COQ10B: variants seen among roughly 807,000 people sequenced by gnomAD.
The protein encoded by COQ10B is coenzyme Q-binding protein COQ10 homolog B, mitochondrial.
COQ10B carries 12 observed loss-of-function variants against 27.6 expected under a neutral mutation model. The observed-to-expected ratio is 0.43, with a 90% CI of 0.28 to 0.70. COQ10B has a LOEUF of 0.70. COQ10B is among the 30% of genes least tolerant of loss of function. COQ10B has a pLI of 0.17. For missense variants in COQ10B, 278 were observed against 288.7 expected (o/e 0.96, Z 0.27); for synonymous variants, 115 against 103.0 (o/e 1.12, Z -0.71).
At chr2:197,460,354 A>C (rs777401290) in intron 2 of COQ10B, among the ~76,000 whole-genome samples, 2 of 151,658 alleles carry the variant, frequency 1.3e-5, no homozygotes, top group Non-Finnish European at 2.9e-5. Context: ...CACCATGCCT[A>C]GCTAATTTTT....
intron 3 of COQ10B, among the ~76,000 whole-genome samples, chr2:197,467,481 G>T (rs928501909): frequency 6.6e-6 from 1 of 152,032 alleles, no homozygotes; most frequent in Non-Finnish European, 1.5e-5. Context: ...AGGTTCAAGC[G>T]ATTCTCCTGC....
In COQ10B at chr2:197,474,798, A is replaced by G. The variant is rs2085932449; in HGVS notation, c.*874A>G. ...TTGCCATAATGAGGCTAGCTCCCAG[A>G]TAAACAGTGTATTTTCTTCTTTTTT... On this transcript the variant is annotated 3_prime_UTR_variant, in exon 5 of 5. Coordinates refer to ENST00000263960, the MANE Select transcript of COQ10B (RefSeq NM_025147.5). 1 of 151,630 alleles carries G rather than the reference A, an allele frequency of 6.6e-6. No homozygotes were observed. The highest frequency in any genetic ancestry group is 2.4e-5 in the African/African-American group (1 of 41,170). 9.4% of individuals were successfully genotyped at this position (151,630 alleles called of 1,614,324 possible).
chr2:197,453,582 A>G lies in COQ10B; in HGVS notation c.22A>G (p.Thr8Ala), dbSNP rs1315402492. 4.1e-5 allele frequency: 66 copies of G among 1,613,808 alleles called. No individual in the cohort carries two copies. Among genetic ancestry groups the G allele is most frequent in the Non-Finnish European group, 5.5e-5 (65 of 1,179,912 alleles). Reference protein sequence around the residue: MAARTGHTALRRVVSGCR... With the variant: MAARTGHAALRRVVSGCR... ...TATCATGGCAGCTCGGACTGGTCAT[A>G]CGGCCTTGAGAAGGGTAGTCTCGGG... The change falls in exon 1 of 5, where the codon ACG becomes GCG. Residue 8 changes from threonine (T) to alanine (A), a missense_variant. By Grantham distance (58) the Thr-to-Ala change is moderately conservative. Around this residue, in one of 3 missense-constraint regions of COQ10B, gnomAD observed 183 missense variants for 158.2 expected, o/e 1.16. Coordinates refer to ENST00000263960, the MANE Select transcript of COQ10B (RefSeq NM_025147.5).
chr2:197,454,351 G>C, intron 1 of COQ10B: 1 of 406,036 alleles, frequency 2.5e-6, no homozygotes, highest in Non-Finnish European at 4.4e-6. Flanking sequence ...TAATATTCTT[G>C]AAAATTAAAG....
At chr2:197,465,429 A>G (rs1051272699) in intron 3 of COQ10B, among the ~76,000 whole-genome samples, 7 of 152,024 alleles carry the variant, frequency 4.6e-5, no homozygotes, top group East Asian at 1.9e-4. Context: ...AGCTGGGATT[A>G]TAGCCATGTG....
intron 1 of COQ10B, chr2:197,454,058 C>A (rs774805961): frequency 6.4e-7 from 1 of 1,551,232 alleles, no homozygotes; most frequent in South Asian, 1.2e-5. Context: ...CGGTGAGCCC[C>A]CTTCTCCGGT....
chr2:197,465,788 A>C (rs2085818791), intron 3 of COQ10B, among the ~76,000 whole-genome samples: 1 of 152,078 alleles, frequency 6.6e-6, no homozygotes, highest in Non-Finnish European at 1.5e-5. Flanking sequence ...CTCCATCTCT[A>C]AAAAACAAAC....
In COQ10B at chr2:197,460,100, T is replaced by A. The variant is rs1219429581; in HGVS notation, c.254+19T>A. ...TTTTAGGGTTCGTATATGATAAGAA[T>A]TCTACTAAAAGAGCATGTTCACAAT... On this transcript the variant is annotated intron_variant, in intron 2 of 4. Transcript: ENST00000263960. 2.6e-6 allele frequency: 4 copies of A among 1,565,544 alleles called. No individual in the cohort carries two copies. In the South Asian group the frequency reaches 4.6e-5, roughly 18 times the overall value.
At chr2:197,468,178 C>T (rs1421196636) in intron 3 of COQ10B, among the ~76,000 whole-genome samples, 1 of 152,006 alleles carries the variant, frequency 6.6e-6, no homozygotes, top group South Asian at 2.1e-4. Flanking sequence ...TGGTGGCTCA[C>T]ACCTGTAATC....
At chr2:197,455,055 T>C (rs2085681617) in intron 1 of COQ10B, among the ~76,000 whole-genome samples, 1 of 152,080 alleles carries the variant, frequency 6.6e-6, no homozygotes, top group Admixed American at 6.6e-5. Context: ...GATCAGAAAA[T>C]GTCCTGTTAG....
intron 4 of COQ10B, 110 bp downstream of exon 4, chr2:197,470,281 A>C (rs1422468610): frequency 8.2e-6 from 5 of 607,270 alleles, no homozygotes; most frequent in Middle Eastern, 3.3e-4. Context: ...CTTTTTCTGC[A>C]TAAATGCTAA....
In COQ10B at chr2:197,474,069, T is replaced by G. The variant is rs1349379524; in HGVS notation, c.*145T>G. 4.2e-6 allele frequency: 2 copies of G among 472,860 alleles called. No homozygotes were observed. The highest frequency in any genetic ancestry group is 7.2e-6 in the Non-Finnish European group (2 of 277,980). The allele number at this position is 472,860 out of a possible 1,614,324, so 29.3% of individuals were successfully genotyped here. ...ACCTGCACCATTGAAAATTTGCACATAGAATATAGACTCACTTGTACATAG... is the reference window on the plus strand; with the variant it reads ...ACCTGCACCATTGAAAATTTGCACAGAGAATATAGACTCACTTGTACATAG... On this transcript the variant is annotated 3_prime_UTR_variant, in exon 5 of 5. Transcript: ENST00000263960.
intron 1 of COQ10B, among the ~76,000 whole-genome samples, chr2:197,457,544 G>T (rs1323659497): frequency 6.6e-6 from 1 of 151,888 alleles, no homozygotes; most frequent in African/African-American, 2.4e-5. Flanking sequence ...GTTATTTATA[G>T]CTGAATATAT....
At chr2:197,454,073 T>C (rs1462071740) in intron 1 of COQ10B, 3 of 1,551,238 alleles carry the variant, frequency 1.9e-6, no homozygotes. Context: ...TCCGGTTCCT[T>C]CTACCTGCCA....
chr2:197,473,269 C>G (rs912838730), intron 4 of COQ10B, among the ~76,000 whole-genome samples: 10 of 151,076 alleles, frequency 6.6e-5, no homozygotes, highest in Admixed American at 2.6e-4. Context: ...AAAAATCTTT[C>G]TGGCTGGGCA....
chr2:197,455,997 G>A (rs2085694382), intron 1 of COQ10B, among the ~76,000 whole-genome samples: 1 of 152,028 alleles, frequency 6.6e-6, no homozygotes, highest in South Asian at 2.1e-4. Flanking sequence ...AATGGATAAA[G>A]AAAATGTGGT....
Position 197,461,627 on chromosome 2 carries a change from CAGAGAGAGAGAG to C in COQ10B, c.255-885_255-874del, listed in dbSNP as rs66918493. On this transcript the variant is annotated intron_variant, in intron 2 of 4. Coordinates refer to ENST00000263960, the MANE Select transcript of COQ10B (RefSeq NM_025147.5). Reference sequence around the variant, plus strand: ...GGAGAGGGAGAGGTGTACAGGGTCTCAGAGAGAGAGAGAGAGAGAGAGAGAGAGAGAGAGAGA... The same window carrying C: ...GGAGAGGGAGAGGTGTACAGGGTCTCAGAGAGAGAGAGAGAGAGAGAGAGA... Among the ~76,000 whole-genome samples, 169 of 129,454 alleles carry C rather than the reference CAGAGAGAGAGAG, an allele frequency of 1.3e-3. 1 individual carries two copies. The highest frequency in any genetic ancestry group is 3.7e-3 in the Middle Eastern group (1 of 270). The allele number at this position is 129,454 out of a possible 152,430, so 84.9% of individuals were successfully genotyped here.
chr2:197,461,997 C>T (rs1022523546), intron 2 of COQ10B, among the ~76,000 whole-genome samples: 8 of 150,808 alleles, frequency 5.3e-5, no homozygotes, highest in South Asian at 4.4e-4. Context: ...AGGCCGGGCG[C>T]GGTGGCTCAT....
intron 2 of COQ10B, 144 bp downstream of exon 2, chr2:197,460,225 TTC>T: frequency 1.9e-6 from 1 of 527,824 alleles, no homozygotes; most frequent in Non-Finnish European, 3.1e-6. Flanking sequence ...TTTTTTTTTT[TTC>T]TTTTGAGATG....
Sources: gnomAD v4.1 joint callset for allele counts (sites outside exome capture counted in the v4.1 genomes callset) on GRCh38, gnomAD v4.1.1 for gene constraint, gnomAD v4.1.1 regional missense constraint, MANE v1.5 for transcripts, NCBI Gene and HGNC (gene_info 2026-07-23, HGNC 2026-07-21) for gene names.